KRT8: variants seen among roughly 807,000 people sequenced by gnomAD.
KRT8 encodes keratin, type II cytoskeletal 8.
In KRT8, 24 loss-of-function variants were observed where a neutral mutation model predicts 43.0. The ratio of observed to expected loss-of-function variants is 0.56; its 90% CI spans 0.40 to 0.78. KRT8 has a LOEUF of 0.78. Ranked by LOEUF, KRT8 falls within the 30% of genes least tolerant of loss-of-function variation. KRT8 has a pLI of 0.00. For missense variants in KRT8, 492 were observed against 638.4 expected (o/e 0.77, Z 2.47); for synonymous variants, 214 against 261.2 (o/e 0.82, Z 1.74).
intron 2 of KRT8, among the ~76,000 whole-genome samples, chr12:52,923,248 T>C (rs1231846859): frequency 6.6e-6 from 1 of 152,228 alleles, no homozygotes; most frequent in Non-Finnish European, 1.5e-5. Flanking sequence ...CCTAGAAGAA[T>C]GTGCAGTAGC....
chr12:52,920,756 G>A (rs1941866884), intron 2 of KRT8, among the ~76,000 whole-genome samples: 1 of 151,128 alleles, frequency 6.6e-6, no homozygotes, highest in South Asian at 2.1e-4. Flanking sequence ...GTAAGCCTGT[G>A]CCCAGCCAGG....
chr12:52,902,687 CA>C (rs1424361416), intron 1 of KRT8, among the ~76,000 whole-genome samples: 1 of 151,758 alleles, frequency 6.6e-6, no homozygotes. Context: ...CGCGCCCGGC[CA>C]AAAATAGCCA....
chr12:52,942,908 A>C (rs74089289), intron 2 of KRT8, among the ~76,000 whole-genome samples: 2,236 of 151,928 alleles, frequency 0.015, 52 homozygotes, highest in African/African-American at 0.051. Context: ...ATTGGGGAGG[A>C]AGGAGCCTAG....
intron 2 of KRT8, among the ~76,000 whole-genome samples, chr12:52,945,292 G>A (rs1226854902): frequency 1.1e-4 from 16 of 152,090 alleles, no homozygotes; most frequent in East Asian, 3.9e-4. Flanking sequence ...CCTCCCAGGC[G>A]ATCCCTTCCT....
At chr12:52,922,344 T>C (rs1280509422) in intron 2 of KRT8, among the ~76,000 whole-genome samples, 1 of 151,920 alleles carries the variant, frequency 6.6e-6, no homozygotes, top group Non-Finnish European at 1.5e-5. Context: ...CCCTGTACCA[T>C]AGGTTTTTAT....
chr12:52,942,843 C>T (rs1942288787), intron 2 of KRT8, among the ~76,000 whole-genome samples: 1 of 152,098 alleles, frequency 6.6e-6, no homozygotes, highest in African/African-American at 2.4e-5. Flanking sequence ...ATGGTTAGAA[C>T]ACAGAGTTCA....
chr12:52,908,199 A>G (rs1286007253), upstream of KRT8, among the ~76,000 whole-genome samples: 3 of 151,670 alleles, frequency 2.0e-5, no homozygotes, highest in African/African-American at 7.3e-5. Context: ...ATCACTCATG[A>G]TCATGGGAAG....
chr12:52,904,654 T>C lies in KRT8; in HGVS notation c.324+4A>G. On this transcript the variant is annotated splice_donor_region_variant and intron_variant, in intron 1 of 7. Transcript: ENST00000692008. ...ACAGTCAGCCACGCAGGGGGGACCC[T>C]CACCTTGTCTATGAAGGAGGCAAAC... The C allele has an allele frequency of 6.2e-7, 1 of 1,612,024 alleles. No homozygotes were observed. Among genetic ancestry groups the C allele is most frequent in the South Asian group, 1.1e-5 (1 of 90,960 alleles).
At chr12:52,905,792 C>G (rs1941504881), upstream of KRT8, among the ~76,000 whole-genome samples, 1 of 151,872 alleles carries the variant, frequency 6.6e-6, no homozygotes, top group Admixed American at 6.6e-5. Flanking sequence ...TCTGAAGGTG[C>G]AAGATAAAAA....
chr12:52,926,332 G>GGGCCCCCCCC, intron 2 of KRT8: 1 of 600,268 alleles, frequency 1.7e-6, no homozygotes. Flanking sequence ...GGCACTAGCT[G>GGGCCCCCCCC]CCCTCCCCAC....
intron 2 of KRT8, among the ~76,000 whole-genome samples, chr12:52,942,317 A>T (rs1038025838): frequency 6.6e-6 from 1 of 152,152 alleles, no homozygotes; most frequent in African/African-American, 2.4e-5. Context: ...TAGGCACCCA[A>T]CTTGACCAAG....
chr12:52,901,536 TA>T lies in KRT8; in HGVS notation c.534-318del. 5.4e-6 allele frequency: 3 copies of T among 553,258 alleles called. No individual in the cohort carries two copies. In the East Asian group the frequency reaches 9.6e-5, roughly 18 times the overall value. 34.3% of individuals were successfully genotyped at this position (553,258 alleles called of 1,614,324 possible). The stretch of plus-strand genomic sequence containing the variant: ...TTTGCTAGAGGTCAAGGGTCAAGAC[TA>T]AAGAGGGGCCAGAATGTTAAGTACA... On this transcript the variant is annotated intron_variant, in intron 2 of 7. Coordinates refer to ENST00000692008, the Ensembl canonical transcript of KRT8.
At chr12:52,943,429 T>C (rs1184052405) in intron 2 of KRT8, among the ~76,000 whole-genome samples, 2 of 152,212 alleles carry the variant, frequency 1.3e-5, no homozygotes, top group African/African-American at 2.4e-5. Flanking sequence ...GGTCTCTTCC[T>C]GGGAACTTAG....
chr12:52,929,479 C>T (rs1324230610), intron 2 of KRT8, among the ~76,000 whole-genome samples: 3 of 152,226 alleles, frequency 2.0e-5, no homozygotes, highest in Admixed American at 6.5e-5. Flanking sequence ...TAGGCGTGAG[C>T]CACCTCGTCC....
chr12:52,904,897 G>C (rs2120584258), exon 1 of KRT8: 1 of 1,612,810 alleles, frequency 6.2e-7, no homozygotes, highest in South Asian at 1.1e-5. Context: ...CGGGAACCGG[G>C]CCCACTCGTG....
intron 7 of KRT8, among the ~76,000 whole-genome samples, chr12:52,898,136 G>A (rs1941261715): frequency 6.6e-6 from 1 of 152,328 alleles, no homozygotes; most frequent in South Asian, 2.1e-4. Flanking sequence ...CTGCACTCCA[G>A]CTTGGGTGAC....
At chr12:52,922,810 G>A (rs1941914850) in intron 2 of KRT8, among the ~76,000 whole-genome samples, 1 of 152,188 alleles carries the variant, frequency 6.6e-6, no homozygotes, top group African/African-American at 2.4e-5. Context: ...ATTCCACCCA[G>A]CTCTTCTGGC....
intron 2 of KRT8, among the ~76,000 whole-genome samples, chr12:52,928,887 C>T (rs1275268976): frequency 6.6e-6 from 1 of 152,136 alleles, no homozygotes; most frequent in Non-Finnish European, 1.5e-5. Flanking sequence ...GCCTGGGCAA[C>T]AAGAGTGAAA....
chr12:52,918,180 G>GAAGAAGAAGAAGAAGGAGAAGGAGAA, intron 2 of KRT8, among the ~76,000 whole-genome samples: 1 of 73,718 alleles, frequency 1.4e-5, no homozygotes, highest in African/African-American at 6.1e-5. Flanking sequence ...AAGAGGAAGA[G>GAAGAAGAAGAAGAAGGAGAAGGAGAA]GAAGAAGAAG....
Sources: allele counts gnomAD v4.1 joint callset (sites outside exome capture counted in the v4.1 genomes callset), GRCh38; gene constraint gnomAD v4.1.1; transcripts MANE v1.5; gene names NCBI Gene and HGNC (gene_info 2026-07-23, HGNC 2026-07-21).